The following PLOD2 variants were observed in gnomAD, a reference collection of about 807,000 sequenced individuals.
The protein encoded by PLOD2 is lysine hydroxylase 2.
PLOD2 carries 65 observed loss-of-function variants against 101.0 expected under a neutral mutation model. That is an observed-to-expected ratio of 0.64 (90% CI 0.53 to 0.79). The LOEUF is 0.79. PLOD2 is among the 30% of genes least tolerant of loss of function. PLOD2 has a pLI of 0.00. For missense variants in PLOD2, 909 were observed against 914.6 expected, an observed-to-expected ratio of 0.99 and a Z score of 0.08; for synonymous variants, 314 against 302.9, an observed-to-expected ratio of 1.04 and a Z score of -0.38.
intron 7 of PLOD2, among the ~76,000 whole-genome samples, chr3:146,096,786 C>G (rs1346908093): frequency 6.3e-4 from 93 of 148,332 alleles, no homozygotes; most frequent in African/African-American, 2.2e-3. Context: ...GCCAGCCACC[C>G]CGTCCGGGAG....
intron 7 of PLOD2, among the ~76,000 whole-genome samples, chr3:146,096,456 C>A (rs1188294358): frequency 8.9e-6 from 1 of 112,236 alleles, no homozygotes; most frequent in Non-Finnish European, 1.9e-5. Context: ...TCTTCCCCGC[C>A]GCCATCCCAT....
Position 146,070,868 on chromosome 3 carries a change from C to A in PLOD2, c.2126G>T (p.Gly709Val). 1 of 1,607,606 alleles carries A rather than the reference C, an allele frequency of 6.2e-7. No individual in the cohort carries two copies. Among genetic ancestry groups the A allele is most frequent in the Non-Finnish European group, 8.5e-7 (1 of 1,175,520 alleles). Residue 709 changes from glycine to valine, a missense_variant, in exon 20 of 20, where the codon GGT becomes GTT. Transcript: ENST00000282903. ...ATTGTACCTTAGAAATTTGCAACCA[C>A]CTCCCTAAAAAAGTTAAAATGAAGA... ...LNNVGEDFQG[G>V]GCKFLRYNCS...
At chr3:146,144,791 T>C (rs1559871427) in intron 1 of PLOD2, among the ~76,000 whole-genome samples, 1 of 152,008 alleles carries the variant, frequency 6.6e-6, no homozygotes, top group Non-Finnish European at 1.5e-5. Flanking sequence ...TGTGGCTTTA[T>C]TGTTTATCAA....
intron 16 of PLOD2, 146 bp downstream of exon 16, chr3:146,073,141 G>T: frequency 1.9e-6 from 1 of 519,070 alleles, no homozygotes; most frequent in Non-Finnish European, 3.5e-6. Flanking sequence ...GTTCCTTAAT[G>T]CTATTTAATC....
At chr3:146,077,988 TA>T (rs919797910) in intron 13 of PLOD2, 64 bp from the exon 14 acceptor site, 1 of 876,248 alleles carries the variant, frequency 1.1e-6, no homozygotes, top group African/African-American at 1.7e-5. Context: ...TATTCTTTGG[TA>T]AATAAAAATA....
rs575218684 is a variant in PLOD2 at position 146,142,948 on chromosome 3, C to A, written c.109+17933G>T. ...GATTTCCCCTGCCATTTGTTCCCAT[C>A]TTCCATGCTTTGGTTATAACACAAT... On this transcript the variant is annotated intron_variant, in intron 1 of 19. Transcript: ENST00000282903. Among the ~76,000 whole-genome samples the A allele has an allele frequency of 4.1e-4, 62 of 152,244 alleles. 1 individual carries two copies. The South Asian group carries it at 0.013, about 32-fold the overall frequency.
At chr3:146,143,345 G>A (rs1315815284) in intron 1 of PLOD2, among the ~76,000 whole-genome samples, 2 of 151,680 alleles carry the variant, frequency 1.3e-5, no homozygotes, top group Non-Finnish European at 2.9e-5. Flanking sequence ...TTGGTGTTAA[G>A]ACTTAAACAA....
rs1936073550 is a variant in PLOD2 at position 146,070,195 on chromosome 3, C to T, written c.*522G>A. 1 of 152,108 alleles carries T rather than the reference C, an allele frequency of 6.6e-6. No individual in the cohort carries two copies. Among genetic ancestry groups the T allele is most frequent in the Admixed American group, 6.6e-5 (1 of 15,202 alleles). The allele number at this position is 152,108 out of a possible 1,614,324, so 9.4% of individuals were successfully genotyped here. A position where few individuals can be genotyped will look rare whatever the true frequency, so the allele number is the denominator to read the frequency against. ...CGTTGTGTAATTCTTTGTGTGTTCC[C>T]TTAGTAACTACTGTAAATAAGACCT... On this transcript the variant is annotated 3_prime_UTR_variant, in exon 20 of 20. Coordinates refer to ENST00000282903, the MANE Select transcript of PLOD2 (RefSeq NM_182943.3).
At chr3:146,092,668 A>T (rs954136453) in intron 7 of PLOD2, among the ~76,000 whole-genome samples, 7 of 152,098 alleles carry the variant, frequency 4.6e-5, no homozygotes, top group African/African-American at 1.7e-4. Context: ...ACTGTAAAAA[A>T]AAAATTCTGT....
intron 1 of PLOD2, among the ~76,000 whole-genome samples, chr3:146,125,556 G>A (rs1004516694): frequency 3.3e-5 from 5 of 152,048 alleles, no homozygotes; most frequent in Admixed American, 6.6e-5. Context: ...AGACCAGCCT[G>A]GTCAACATGG....
intron 7 of PLOD2, among the ~76,000 whole-genome samples, chr3:146,102,429 C>T (rs951858745): frequency 1.3e-5 from 2 of 152,104 alleles, no homozygotes; most frequent in Non-Finnish European, 2.9e-5. Context: ...CAAATGATCT[C>T]TTAATGTCCT....
At chr3:146,076,666 C>T (rs1410718801) in intron 15 of PLOD2, 116 bp downstream of exon 15, 3 of 632,250 alleles carry the variant, frequency 4.7e-6, no homozygotes, top group Non-Finnish European at 8.5e-6. Flanking sequence ...TTTTGATGTG[C>T]ATTTCACCTT....
At chr3:146,137,058 T>C (rs1404561713) in intron 1 of PLOD2, among the ~76,000 whole-genome samples, 2 of 152,176 alleles carry the variant, frequency 1.3e-5, no homozygotes, top group East Asian at 3.8e-4. Flanking sequence ...TTACCAAACT[T>C]ATGATGAACT....
In PLOD2 at chr3:146,077,920, A is replaced by C; in HGVS notation, c.1505T>G (p.Leu502Ter). The C allele has an allele frequency of 6.3e-7, 1 of 1,587,338 alleles. No homozygotes were observed. The highest frequency in any genetic ancestry group is 8.6e-7 in the Non-Finnish European group (1 of 1,156,130). ...AGTAGGGGAGTCTTTTTCCCTTTGT[A>C]AAGTCTAAAATGAAGAGAAGCATTG... ...ALCRNAREMT[L>*]QREKDSPTPE... The change falls in exon 14 of 20, where the codon TTA (leucine) becomes TGA (stop). Residue 502 changes from leucine (L) to a stop codon, truncating the protein, a stop_gained. Transcript: ENST00000282903. LOFTEE classifies it high-confidence loss of function.
rs147440183 is a variant in PLOD2 at position 146,110,348 on chromosome 3, C to G, written c.439G>C (p.Asp147His). Reference sequence around the variant, plus strand: ...GGATACTTGTCTGCTAGTCTTTTATCTGGCCACAAAATTCCATCTGCTGCA... The same window carrying G: ...GGATACTTGTCTGCTAGTCTTTTATGTGGCCACAAAATTCCATCTGCTGCA... ...VFAADGILWP[D>H]KRLADKYPVV... Residue 147 changes from aspartate (D) to histidine (H), a missense_variant, in exon 4 of 20, where the codon GAT (aspartate) becomes CAT (histidine). Coordinates refer to ENST00000282903, the MANE Select transcript of PLOD2 (RefSeq NM_182943.3). 76 of 1,613,696 alleles carry G rather than the reference C, an allele frequency of 4.7e-5. No individual in the cohort carries two copies. Among genetic ancestry groups the G allele is most frequent in the Middle Eastern group, 1.6e-4 (1 of 6,080 alleles).
chr3:146,085,991 A>G (rs1936753402), intron 10 of PLOD2: 3 of 152,214 alleles, frequency 2.0e-5, no homozygotes, highest in Non-Finnish European at 4.4e-5. Context: ...AAAATATTAA[A>G]GAAAATATGT....
At chr3:146,117,451 G>A (rs1017466985) in intron 3 of PLOD2, among the ~76,000 whole-genome samples, 2 of 151,854 alleles carry the variant, frequency 1.3e-5, no homozygotes, top group Non-Finnish European at 2.9e-5. Context: ...TCATTACTCT[G>A]TATAAACTTT....
chr3:146,148,338 GCA>G (rs71158220), intron 1 of PLOD2, among the ~76,000 whole-genome samples: 26,223 of 146,400 alleles, frequency 0.18, 2,651 homozygotes, highest in South Asian at 0.26. Context: ...AGGCAGGCAC[GCA>G]CACACACACA....
rs923962409 is a variant in PLOD2 at position 146,095,750 on chromosome 3, A to C, written c.778-3849T>G. On this transcript the variant is annotated intron_variant, in intron 7 of 19. Coordinates refer to ENST00000282903, the MANE Select transcript of PLOD2 (RefSeq NM_182943.3). ...CTAAGTCATTCTACTATAAAGACAT[A>C]TGCACATGTATGTTTATTGCAGCAC... Among the ~76,000 whole-genome samples, 3 of 152,296 alleles carry C rather than the reference A, an allele frequency of 2.0e-5. No homozygotes were observed. The East Asian group carries it at 5.8e-4, about 29-fold the overall frequency.
Sources: allele counts gnomAD v4.1 joint callset (sites outside exome capture counted in the v4.1 genomes callset), GRCh38; gene constraint gnomAD v4.1.1; transcripts MANE v1.5; gene names NCBI Gene and HGNC (gene_info 2026-07-23, HGNC 2026-07-21).